UBE3B: variants seen among roughly 807,000 people sequenced by gnomAD.
UBE3B encodes the protein ubiquitin protein ligase E3B, also known as ubiquitin-protein ligase E3B.
Under a neutral mutation model 132.3 loss-of-function variants are expected in UBE3B, and 80 were observed. The observed-to-expected ratio is 0.60, with a 90% confidence interval of 0.50 to 0.73. The LOEUF is 0.73. UBE3B is among the 30% of genes least tolerant of loss of function. UBE3B has a pLI of 0.00. For synonymous variants in UBE3B, 487 were observed against 520.4 expected, an observed-to-expected ratio of 0.94 and a Z score of 0.87; for missense variants, 1,196 against 1,362.5, an observed-to-expected ratio of 0.88 and a Z score of 1.92.
At chr12:109,511,984 A>G (rs1332955128) in intron 18 of UBE3B, among the ~76,000 whole-genome samples, 2 of 152,218 alleles carry the variant, frequency 1.3e-5, no homozygotes, top group African/African-American at 4.8e-5. Context: ...GGAAGAATTC[A>G]GGTGATGCTC....
Position 109,528,271 on chromosome 12 carries a change from T to G in UBE3B, c.2628-1619T>G, listed in dbSNP as rs1245611204. 5 of 903,590 alleles carry G rather than the reference T, an allele frequency of 5.5e-6. No individual in the cohort carries two copies. In the East Asian group the frequency reaches 5.9e-4, roughly 107 times the overall value. 56.0% of individuals were successfully genotyped at this position (903,590 alleles called of 1,614,324 possible). On this transcript the variant is annotated intron_variant, in intron 24 of 27. Coordinates refer to ENST00000342494, the MANE Select transcript of UBE3B (RefSeq NM_130466.4). Reference sequence around the variant, plus strand: ...TTCCCATACTCTCTTCTCTCGTATCTCCCTCTCTCCTTCCCTCCCTCTCAC... The same window carrying G: ...TTCCCATACTCTCTTCTCTCGTATCGCCCTCTCTCCTTCCCTCCCTCTCAC...
At chr12:109,492,419 G>C (rs1000739504) in intron 9 of UBE3B, 1 of 145,990 alleles carries the variant, frequency 6.8e-6, no homozygotes, top group African/African-American at 2.4e-5. Flanking sequence ...AGGTCTGTCC[G>C]ATGGAAACAC....
chr12:109,529,698 G>A (rs1345295190), intron 24 of UBE3B, among the ~76,000 whole-genome samples, 192 bp from the exon 25 acceptor site: 1 of 152,216 alleles, frequency 6.6e-6, no homozygotes, highest in African/African-American at 2.4e-5. Flanking sequence ...TGTGCACACA[G>A]TGGCGTATGG....
At chr12:109,500,637 A>C (rs1415316433) in intron 12 of UBE3B, among the ~76,000 whole-genome samples, 1 of 152,206 alleles carries the variant, frequency 6.6e-6, no homozygotes, top group African/African-American at 2.4e-5. Flanking sequence ...AGGTAAGTGA[A>C]GGAGAGCAGC....
At chr12:109,518,267 G>A (rs1183940767) in intron 19 of UBE3B, among the ~76,000 whole-genome samples, 2 of 152,172 alleles carry the variant, frequency 1.3e-5, no homozygotes, top group African/African-American at 4.8e-5. Flanking sequence ...GCAGTTGGAA[G>A]CACGTGCCTC....
At chr12:109,528,842 TC>T (rs1384954829) in intron 24 of UBE3B, among the ~76,000 whole-genome samples, 1 of 138,358 alleles carries the variant, frequency 7.2e-6, no homozygotes, top group East Asian at 2.1e-4. Flanking sequence ...AGAATGAAAC[TC>T]CATCTCAAAA....
At chr12:109,504,452 A>G (rs963935709) in intron 14 of UBE3B, among the ~76,000 whole-genome samples, 2 of 152,232 alleles carry the variant, frequency 1.3e-5, no homozygotes, top group Admixed American at 6.5e-5. Flanking sequence ...ATTTGGGAGC[A>G]TGAGGACTGA....
chr12:109,520,961 T>G, intron 19 of UBE3B, 187 bp from the exon 20 acceptor site: 1 of 605,458 alleles, frequency 1.7e-6, no homozygotes, highest in Non-Finnish European at 2.8e-6. Context: ...CATCCCCAAA[T>G]GAATCTTTGC....
At position 109,529,936 on chromosome 12, in the gene UBE3B, A is replaced by G. The variant is rs1882772319; in HGVS notation, c.2674A>G (p.Ile892Val). 10 of 1,614,130 alleles carry G rather than the reference A, an allele frequency of 6.2e-6. No homozygotes were observed. The highest frequency in any genetic ancestry group is 8.5e-6 in the Non-Finnish European group (10 of 1,180,058). The change falls in exon 25 of 28, where the codon ATA becomes GTA. Residue 892 changes from isoleucine (I) to valine (V), a missense_variant. Coordinates refer to ENST00000342494, the MANE Select transcript of UBE3B (RefSeq NM_130466.4). ...GGCACATTTTCGAATGCACACTCAA[A>G]TAAAAAACCAAACAGCTGCCCTCAT... ...LMAHFRMHTQ[I>V]KNQTAALISG...
rs565948808 is a variant in UBE3B, at chr12:109,536,373, G to A, written c.*1591G>A. On this transcript the variant is annotated 3_prime_UTR_variant, in exon 28 of 28. Coordinates refer to ENST00000342494, the MANE Select transcript of UBE3B (RefSeq NM_130466.4). ...TGCATACATGCGGGGACCCCAGACT[G>A]TCAGCACAGGGAAGATGGATCCCAT... The A allele has an allele frequency of 6.6e-6, 1 of 152,260 alleles. No homozygotes were observed. Among genetic ancestry groups the A allele is most frequent in the Non-Finnish European group, 1.5e-5 (1 of 68,044 alleles). The allele number at this position is 152,260 out of a possible 1,614,324, so 9.4% of individuals were successfully genotyped here. A position where few individuals can be genotyped will look rare whatever the true frequency, so the allele number is the denominator to read the frequency against.
intron 25 of UBE3B, 30 bp from the exon 26 acceptor site, chr12:109,530,517 T>C: frequency 6.2e-7 from 1 of 1,606,410 alleles, no homozygotes; most frequent in Non-Finnish European, 8.5e-7. Context: ...CGCTAGCACA[T>C]TGCTGAGCCC....
intron 16 of UBE3B, among the ~76,000 whole-genome samples, chr12:109,509,964 T>C (rs1183973551): frequency 6.6e-6 from 1 of 152,240 alleles, no homozygotes; most frequent in African/African-American, 2.4e-5. Flanking sequence ...TTATTAATGA[T>C]GATTAATTTT....
chr12:109,530,137 C>A (rs1280162644), intron 25 of UBE3B, 65 bp downstream of exon 25: 14 of 1,589,522 alleles, frequency 8.8e-6, no homozygotes, highest in Non-Finnish European at 1.2e-5. Context: ...TGCTCCCTCG[C>A]TGGGTTCCTT....
At chr12:109,485,833 C>A (rs774310336) in intron 4 of UBE3B, among the ~76,000 whole-genome samples, 179 bp from the exon 5 acceptor site, 4 of 152,160 alleles carry the variant, frequency 2.6e-5, no homozygotes, top group Non-Finnish European at 4.4e-5. Context: ...AGTTGGAGAA[C>A]CCTTTAGTCT....
At chr12:109,528,718 G>C (rs1306415973) in intron 24 of UBE3B, among the ~76,000 whole-genome samples, 1 of 152,060 alleles carries the variant, frequency 6.6e-6, no homozygotes, top group African/African-American at 2.4e-5. Flanking sequence ...GCTGGACATG[G>C]TGGCAGGCGC....
Position 109,499,627 on chromosome 12 carries a change from C to T in UBE3B, c.941-6C>T. On this transcript the variant is annotated splice_region_variant and splice_polypyrimidine_tract_variant and intron_variant, in intron 11 of 27. Transcript: ENST00000342494. ...GCCCATCACACTCAGCCTTCTCTCT[C>T]TGTAGGCAACCTCCTACACTTGGGC... 2 of 1,583,612 alleles carry T rather than the reference C, an allele frequency of 1.3e-6. No homozygotes were observed. The highest frequency in any genetic ancestry group is 1.7e-6 in the Non-Finnish European group (2 of 1,163,732).
intron 24 of UBE3B, chr12:109,528,263 C>T: frequency 1.1e-6 from 1 of 873,676 alleles, no homozygotes; most frequent in African/African-American, 1.8e-5. Flanking sequence ...ACTCTCTTCT[C>T]TCGTATCTCC....
chr12:109,493,826 TTTTA>T (rs1177373119), intron 9 of UBE3B, among the ~76,000 whole-genome samples: 3 of 152,258 alleles, frequency 2.0e-5, no homozygotes, highest in Non-Finnish European at 2.9e-5. Context: ...CTTATCTCCG[TTTTA>T]TTTATTTATT....
At position 109,507,471 on chromosome 12, in the gene UBE3B, G is replaced by A. The variant is rs1204582115; in HGVS notation, c.1451-93G>A. On this transcript the variant is annotated intron_variant, in intron 14 of 27. Transcript: ENST00000342494. ...CACGCACATTAAATGTTCATGGATA[G>A]GTTTAAGTGTTTTGTTTCCCCACTG... 39 of 1,360,920 alleles carry A rather than the reference G, an allele frequency of 2.9e-5. 1 individual carries two copies. In the East Asian group the frequency reaches 9.0e-4, roughly 31 times the overall value. The allele number at this position is 1,360,920 out of a possible 1,614,324, so 84.3% of individuals were successfully genotyped here.
Sources: gnomAD v4.1 joint callset for allele counts (sites outside exome capture counted in the v4.1 genomes callset) on GRCh38, gnomAD v4.1.1 for gene constraint, MANE v1.5 for transcripts, NCBI Gene and HGNC (gene_info 2026-07-23, HGNC 2026-07-21) for gene names.